TMEM67: variants seen among roughly 807,000 people sequenced by gnomAD.
TMEM67 encodes the protein meckelin.
Under a neutral mutation model 136.6 loss-of-function variants are expected in TMEM67, and 124 were observed. The observed-to-expected ratio is 0.91, with a 90% CI of 0.78 to 1.05. The LOEUF (loss-of-function observed/expected upper bound fraction) is 1.05, where lower values mean the gene tolerates loss of function less well. Ranked by LOEUF, TMEM67 falls within the 50% of genes least tolerant of loss-of-function variation. The probability of loss-of-function intolerance (pLI) is 0.00; values close to 1 mark genes in which losing one functional copy is unlikely to be tolerated. For missense variants in TMEM67, 1,107 were observed against 1,178.4 expected (o/e 0.94, Z 0.89); for synonymous variants, 364 against 390.5 (o/e 0.93, Z 0.80).
chr8:93,773,795 A>C (rs553082774), intron 7 of TMEM67, among the ~76,000 whole-genome samples: 1 of 152,288 alleles, frequency 6.6e-6, no homozygotes, highest in South Asian at 2.1e-4. Context: ...CATACAAATT[A>C]TTGTTCTTTC....
At position 93,758,729 on chromosome 8, in the gene TMEM67, C is replaced by G. The variant is rs1386323523; in HGVS notation, c.406+153C>G. The stretch of plus-strand genomic sequence containing the variant: ...TCTCCTGCCTCAGCTTCCTGAGTAG[C>G]TGGGACTGCACACATAACACCACTG... On this transcript the variant is annotated intron_variant, in intron 3 of 27. Transcript: ENST00000453321. 6 of 676,492 alleles carry G rather than the reference C, an allele frequency of 8.9e-6. No individual in the cohort carries two copies. In the Admixed American group the frequency reaches 1.4e-4, roughly 15 times the overall value. The allele number at this position is 676,492 out of a possible 1,614,324, so 41.9% of individuals were successfully genotyped here. A position where few individuals can be genotyped will look rare whatever the true frequency, so the allele number is the denominator to read the frequency against.
Position 93,754,984 on chromosome 8 carries a change from G to C in TMEM67, c.70G>C (p.Ala24Pro), listed in dbSNP as rs772127342. 2.7e-5 allele frequency: 43 copies of C among 1,614,078 alleles called. No individual in the cohort carries two copies. Among genetic ancestry groups the C allele is most frequent in the Non-Finnish European group, 3.6e-5 (43 of 1,180,034 alleles). The part of the protein sequence containing the change: ...WSLLSARAVT[A>P]FLLLFLPRFL... ...CCTCTTATCCGCCCGGGCCGTGACC[G>C]CGTTCCTTCTGTTGTTCCTCCCTCG... is the stretch of plus-strand genomic sequence containing the variant. The change falls in exon 1 of 28, where the codon GCG becomes CCG. Residue 24 changes from alanine (A) to proline (P), a missense_variant. By Grantham distance (27) the Ala-to-Pro change is conservative. Coordinates refer to ENST00000453321, the MANE Select transcript of TMEM67 (RefSeq NM_153704.6).
At chr8:93,757,976 C>G (rs1342186543) in intron 2 of TMEM67, among the ~76,000 whole-genome samples, 1 of 152,108 alleles carries the variant, frequency 6.6e-6, no homozygotes, top group Non-Finnish European at 1.5e-5. Context: ...AGGCTGGCCT[C>G]AAGCTTTGGC....
the TMEM67 span, among the ~76,000 whole-genome samples, chr8:93,827,742 G>C: frequency 6.6e-6 from 1 of 151,592 alleles, no homozygotes; most frequent in Non-Finnish European, 1.5e-5. Flanking sequence ...ACAGGCATGA[G>C]CCACCGTGCC....
At chr8:93,783,748 T>C (rs1813960314) in intron 11 of TMEM67, among the ~76,000 whole-genome samples, 1 of 152,164 alleles carries the variant, frequency 6.6e-6, no homozygotes, top group Non-Finnish European at 1.5e-5. Flanking sequence ...AGCAAACATG[T>C]CCTTTTTCAC....
the TMEM67 span, among the ~76,000 whole-genome samples, chr8:93,829,345 G>A: frequency 1.3e-5 from 2 of 151,528 alleles, no homozygotes; most frequent in Non-Finnish European, 2.9e-5. Flanking sequence ...AAAATCAGGA[G>A]ATTTCCTTTA....
chr8:93,766,154 C>T (rs992160485), intron 6 of TMEM67, among the ~76,000 whole-genome samples: 2 of 151,928 alleles, frequency 1.3e-5, no homozygotes, highest in Non-Finnish European at 2.9e-5. Flanking sequence ...GATGGAGTCT[C>T]GCTCTGTTGC....
chr8:93,830,359 G>T, the TMEM67 span, among the ~76,000 whole-genome samples: 1 of 152,270 alleles, frequency 6.6e-6, no homozygotes, highest in Admixed American at 6.5e-5. Flanking sequence ...GTTTCCCTGA[G>T]TTCTGTGAGC....
At chr8:93,785,813 C>G (rs1318320993) in intron 12 of TMEM67, 3 of 232,178 alleles carry the variant, frequency 1.3e-5, no homozygotes, top group South Asian at 1.3e-4. Flanking sequence ...GTGGCTCACG[C>G]CTATAATCGC....
intron 6 of TMEM67, among the ~76,000 whole-genome samples, chr8:93,771,618 A>G (rs573713718): frequency 1.6e-4 from 25 of 152,364 alleles, no homozygotes; most frequent in Admixed American, 3.3e-4. Context: ...TTGCTTTAAG[A>G]TAAATTTCCT....
intron 6 of TMEM67, among the ~76,000 whole-genome samples, chr8:93,767,310 A>G (rs1813122712): frequency 6.6e-6 from 1 of 152,232 alleles, no homozygotes; most frequent in Non-Finnish European, 1.5e-5. Context: ...GATGCTGTTA[A>G]CCTTGATCAC....
intron 7 of TMEM67, among the ~76,000 whole-genome samples, chr8:93,776,098 T>A (rs1353238373): frequency 6.6e-6 from 1 of 152,226 alleles, no homozygotes; most frequent in Non-Finnish European, 1.5e-5. Flanking sequence ...CCTAGGTATT[T>A]TATTCTCTTT....
At position 93,799,656 on chromosome 8, in the gene TMEM67, T is replaced by G. The variant is rs752689993; in HGVS notation, c.2139T>G (p.Ser713=). ...AGAACTTAGCATTAATGGACTCATCTTCTAGTCTTTCTAGAAACCCACCTA... is the reference window on the plus strand; with the variant it reads ...AGAACTTAGCATTAATGGACTCATCGTCTAGTCTTTCTAGAAACCCACCTA... ...GFKNLALMDS[S]SSLSRNPPSY... Residue 713 remains serine (S), a synonymous_variant, in exon 21 of 28, where the codon TCT becomes TCG. Transcript: ENST00000453321. 1.2e-6 allele frequency: 2 copies of G among 1,613,884 alleles called. No individual in the cohort carries two copies. Among genetic ancestry groups the G allele is most frequent in the Non-Finnish European group, 1.7e-6 (2 of 1,179,880 alleles).
At chr8:93,764,619 C>T (rs1349253156) in intron 4 of TMEM67, among the ~76,000 whole-genome samples, 3 of 152,106 alleles carry the variant, frequency 2.0e-5, no homozygotes, top group East Asian at 1.9e-4. Context: ...GACTTCCCTC[C>T]GGGCACAGTT....
Position 93,755,118 on chromosome 8 carries a change from C to G in TMEM67, c.204C>G (p.Asn68Lys). The change falls in exon 1 of 28, where the codon AAC becomes AAG. Residue 68 changes from asparagine (N) to lysine (K), a missense_variant. Physicochemically the swap from Asn to Lys is moderately conservative, Grantham distance 94. This residue lies in a region of TMEM67 where 178 missense variants were observed against 159.2 expected (regional missense o/e 1.12). Coordinates refer to ENST00000453321, the MANE Select transcript of TMEM67 (RefSeq NM_153704.6). Reference protein sequence around the residue: ...SALSCVPCGANQRQDARGTSC... With the variant: ...SALSCVPCGAKQRQDARGTSC... ...TCTCGTGTGTTCCTTGTGGAGCTAA[C>G]CAGAGGCAAGATGCCCGAGGTAAGA... The G allele has an allele frequency of 6.2e-7, 1 of 1,614,160 alleles. No homozygotes were observed. The highest frequency in any genetic ancestry group is 8.5e-7 in the Non-Finnish European group (1 of 1,180,026).
chr8:93,791,945 T>C, intron 15 of TMEM67: 1 of 155,110 alleles, frequency 6.4e-6, no homozygotes, highest in Non-Finnish European at 1.4e-5. Flanking sequence ...CACCGCAACC[T>C]CTGCCTCCCG....
chr8:93,829,382 C>CTCTCTCTGTGTGTG, the TMEM67 span, among the ~76,000 whole-genome samples: 3 of 137,504 alleles, frequency 2.2e-5, no homozygotes, highest in African/African-American at 8.7e-5. Context: ...CTCTCTCTCT[C>CTCTCTCTGTGTGTG]TGTGTGTGTG....
intron 26 of TMEM67, 87 bp downstream of exon 26, chr8:93,809,974 T>C (rs1307405289): frequency 4.8e-6 from 3 of 618,814 alleles, no homozygotes; most frequent in South Asian, 2.4e-5. Context: ...TTTTTTTCTT[T>C]TTTTTTTTTT....
intron 7 of TMEM67, among the ~76,000 whole-genome samples, chr8:93,776,427 G>A (rs1813543939): frequency 6.6e-6 from 1 of 152,178 alleles, no homozygotes; most frequent in Non-Finnish European, 1.5e-5. Flanking sequence ...CCTGTCTTGT[G>A]CCAGTTTTCA....
Sources: allele counts gnomAD v4.1 joint callset (sites outside exome capture counted in the v4.1 genomes callset), GRCh38; gene constraint gnomAD v4.1.1; regional missense constraint gnomAD v4.1.1; transcripts MANE v1.5; gene names NCBI Gene and HGNC (gene_info 2026-07-23, HGNC 2026-07-21).